Variants in ZMYM4 observed in about 807,000 individuals in gnomAD.
ZMYM4 encodes the protein zinc finger MYM-type containing 4.
Under a neutral mutation model 183.2 loss-of-function variants are expected in ZMYM4, and 31 were observed. The observed-to-expected ratio is 0.17, with a 90% CI of 0.13 to 0.23. ZMYM4 has a LOEUF of 0.23. Ranked by LOEUF, ZMYM4 falls within the 10% of genes least tolerant of loss-of-function variation. ZMYM4 has a pLI of 1.00. For synonymous variants in ZMYM4, 592 were observed against 631.2 expected (o/e 0.94, Z 0.93); for missense variants, 1,273 against 1,840.3 (o/e 0.69, Z 5.64).
Position 35,282,289 on chromosome 1 carries a change from T to C in ZMYM4, c.39+13204T>C, listed in dbSNP as rs113748475. Among the ~76,000 whole-genome samples, 13 of 152,342 alleles carry C rather than the reference T, an allele frequency of 8.5e-5. 2 individuals are homozygous for C. The highest frequency in any genetic ancestry group is 2.6e-4 in the African/African-American group (11 of 41,590). Reference sequence around the variant, plus strand: ...TAATGAGTTGTTACAAGCAAGGTTCTACCTTTTGTAAGTCTCTTTGCCCCC... The same window carrying C: ...TAATGAGTTGTTACAAGCAAGGTTCCACCTTTTGTAAGTCTCTTTGCCCCC... On this transcript the variant is annotated intron_variant, in intron 1 of 29. Coordinates refer to ENST00000314607, the MANE Select transcript of ZMYM4 (RefSeq NM_005095.3).
intron 18 of ZMYM4, among the ~76,000 whole-genome samples, chr1:35,395,380 G>A (rs1192270556): frequency 6.6e-6 from 1 of 151,492 alleles, no homozygotes; most frequent in Non-Finnish European, 1.5e-5. Context: ...AGGATCACTT[G>A]AGCCCAGGAG....
chr1:35,297,269 C>G (rs1466169231), intron 1 of ZMYM4, among the ~76,000 whole-genome samples: 2 of 151,944 alleles, frequency 1.3e-5, no homozygotes, highest in Non-Finnish European at 2.9e-5. Context: ...TCAGTTTGCA[C>G]AATTAAATTT....
intron 2 of ZMYM4, among the ~76,000 whole-genome samples, chr1:35,331,584 G>A (rs1314017683): frequency 2.0e-5 from 3 of 151,786 alleles, no homozygotes; most frequent in Admixed American, 6.6e-5. Context: ...TCAGGAGTTC[G>A]AGACCATCCT....
At chr1:35,306,502 CA>C (rs1267019416) in intron 1 of ZMYM4, among the ~76,000 whole-genome samples, 1 of 152,068 alleles carries the variant, frequency 6.6e-6, no homozygotes, top group African/African-American at 2.4e-5. Context: ...CTTTTTGTTT[CA>C]TTTTATTTTT....
chr1:35,307,697 G>A (rs1426172302), intron 1 of ZMYM4, among the ~76,000 whole-genome samples: 2 of 151,278 alleles, frequency 1.3e-5, no homozygotes, highest in Non-Finnish European at 2.9e-5. Flanking sequence ...ACCACGCCCG[G>A]CTAATTTTTT....
intron 2 of ZMYM4, 42 bp from the exon 3 acceptor site, chr1:35,358,883 T>C: frequency 6.5e-7 from 1 of 1,542,350 alleles, no homozygotes; most frequent in Non-Finnish European, 8.8e-7. Context: ...TGTGGTCATC[T>C]TTAGCACTAT....
chr1:35,274,949 A>G (rs1374130623), intron 1 of ZMYM4, among the ~76,000 whole-genome samples: 4 of 152,166 alleles, frequency 2.6e-5, no homozygotes, highest in African/African-American at 9.7e-5. Context: ...CAGAAATATT[A>G]TGGTTAGTGT....
chr1:35,287,924 AGACAG>A (rs1640585909), intron 1 of ZMYM4, among the ~76,000 whole-genome samples: 1 of 152,108 alleles, frequency 6.6e-6, no homozygotes, highest in Non-Finnish European at 1.5e-5. Flanking sequence ...TTTATTTTAG[AGACAG>A]TCTTGCTATG....
intron 15 of ZMYM4, 35 bp downstream of exon 15, chr1:35,390,133 G>T: frequency 6.3e-7 from 1 of 1,597,284 alleles, no homozygotes; most frequent in East Asian, 2.2e-5. Context: ...TGGAGTCTTT[G>T]GTCAATACTA....
At chr1:35,396,963 C>A in intron 19 of ZMYM4, 1 of 640,682 alleles carries the variant, frequency 1.6e-6, no homozygotes, top group Non-Finnish European at 2.0e-6. Context: ...TGGATTCTAG[C>A]AAGGGTGAAA....
chr1:35,403,356 G>T (rs1329746859), intron 23 of ZMYM4, among the ~76,000 whole-genome samples: 2 of 152,080 alleles, frequency 1.3e-5, no homozygotes, highest in African/African-American at 4.8e-5. Context: ...CGCGATCTCG[G>T]CTCACTGTAA....
chr1:35,388,066 TATA>T (rs1644618166), intron 13 of ZMYM4, among the ~76,000 whole-genome samples: 1 of 152,248 alleles, frequency 6.6e-6, no homozygotes, highest in South Asian at 2.1e-4. Flanking sequence ...TCTATATGTT[TATA>T]ATGTTTTATT....
intron 26 of ZMYM4, among the ~76,000 whole-genome samples, chr1:35,412,941 T>G (rs1410451279): frequency 1.3e-5 from 2 of 152,050 alleles, no homozygotes; most frequent in Non-Finnish European, 2.9e-5. Context: ...TACTAAACCT[T>G]AAAAACACCA....
intron 7 of ZMYM4, among the ~76,000 whole-genome samples, chr1:35,371,098 T>C (rs1012150902): frequency 7.7e-6 from 1 of 129,864 alleles, no homozygotes; most frequent in African/African-American, 3.2e-5. Context: ...TGTGTGTGTG[T>C]GTGTGTGTGC....
intron 25 of ZMYM4, among the ~76,000 whole-genome samples, chr1:35,406,748 G>T (rs543601669): frequency 6.6e-6 from 1 of 152,064 alleles, no homozygotes; most frequent in East Asian, 1.9e-4. Flanking sequence ...CATGAGATAC[G>T]GCTTGCTTTA....
intron 1 of ZMYM4, among the ~76,000 whole-genome samples, chr1:35,285,751 TG>T (rs1023220339): frequency 3.3e-5 from 5 of 152,186 alleles, no homozygotes; most frequent in East Asian, 1.9e-4. Flanking sequence ...TTGGTATCTT[TG>T]GGGGGTCCAG....
At chr1:35,373,184 G>A (rs992621688) in intron 7 of ZMYM4, among the ~76,000 whole-genome samples, 2 of 150,556 alleles carry the variant, frequency 1.3e-5, no homozygotes, top group Admixed American at 1.3e-4. Flanking sequence ...AAATTATGTT[G>A]TACACATAGT....
At chr1:35,404,318 C>T (rs1422379223) in intron 23 of ZMYM4, among the ~76,000 whole-genome samples, 1 of 152,154 alleles carries the variant, frequency 6.6e-6, no homozygotes, top group Non-Finnish European at 1.5e-5. Context: ...ACTTAGGCCT[C>T]CCAGAGTGCT....
intron 26 of ZMYM4, among the ~76,000 whole-genome samples, chr1:35,411,416 A>G (rs571045984): frequency 6.6e-6 from 1 of 152,154 alleles, no homozygotes; most frequent in South Asian, 2.1e-4. Flanking sequence ...CGGCCTCCCA[A>G]AGTGCTGGGA....
Sources: gnomAD v4.1 joint callset for allele counts (sites outside exome capture counted in the v4.1 genomes callset) on GRCh38, gnomAD v4.1.1 for gene constraint, MANE v1.5 for transcripts, NCBI Gene and HGNC (gene_info 2026-07-23, HGNC 2026-07-21) for gene names.